Variants in CNTN6 observed in about 807,000 individuals in gnomAD.
The protein encoded by CNTN6 is contactin-6.
Under a neutral mutation model 122.8 loss-of-function variants are expected in CNTN6, and 137 were observed. The ratio of observed to expected loss-of-function variants is 1.12; its 90% CI spans 0.97 to 1.29. The LOEUF is 1.29. Among genes scored for constraint, CNTN6 ranks in the 50% most tolerant of loss-of-function variants. The pLI, the probability that CNTN6 is intolerant of heterozygous loss-of-function variation, is 0.00. For synonymous variants in CNTN6, 570 were observed against 426.0 expected, an observed-to-expected ratio of 1.34 and a Z score of -4.16; for missense variants, 1,634 against 1,223.4, an observed-to-expected ratio of 1.34 and a Z score of -5.01.
At position 1,206,639 on chromosome 3, in the gene CNTN6, T is replaced by G. The variant is rs2093961479; in HGVS notation, c.56-14048T>G. On this transcript the variant is annotated intron_variant, in intron 2 of 22. Coordinates refer to ENST00000446702, the MANE Select transcript of CNTN6 (RefSeq NM_001289080.2). ...TTCTCTAGACCCTTTTATGAGAAAC[T>G]CCTTAGAATTTTTTCTTTTTCAAAT... is the stretch of plus-strand genomic sequence containing the variant. Among the ~76,000 whole-genome samples the G allele has an allele frequency of 2.6e-5, 4 of 152,154 alleles. No homozygotes were observed. The South Asian group carries it at 8.3e-4, about 31-fold the overall frequency.
At chr3:1,137,064 T>TC (rs2092494488) in intron 1 of CNTN6, among the ~76,000 whole-genome samples, 1 of 152,188 alleles carries the variant, frequency 6.6e-6, no homozygotes, top group African/African-American at 2.4e-5. Flanking sequence ...CCCCATTCTG[T>TC]CTCTTCCTCC....
chr3:1,354,507 C>CT (rs1259102277), intron 12 of CNTN6, among the ~76,000 whole-genome samples: 1 of 151,426 alleles, frequency 6.6e-6, no homozygotes, highest in Non-Finnish European at 1.5e-5. Flanking sequence ...TTCTGTACCA[C>CT]TTTTTATCTT....
intron 1 of CNTN6, among the ~76,000 whole-genome samples, chr3:1,144,694 A>G (rs1480320674): frequency 6.6e-6 from 1 of 152,096 alleles, no homozygotes; most frequent in East Asian, 1.9e-4. Flanking sequence ...CTAGGCAAAA[A>G]TTTGTCTTCT....
chr3:1,124,980 C>T (rs1405753821), intron 1 of CNTN6, among the ~76,000 whole-genome samples: 2 of 151,884 alleles, frequency 1.3e-5, no homozygotes, highest in Non-Finnish European at 2.9e-5. Context: ...AGATCAGTGC[C>T]AGTCACAAAG....
At chr3:1,309,445 A>G (rs1698889890) in intron 7 of CNTN6, among the ~76,000 whole-genome samples, 1 of 152,194 alleles carries the variant, frequency 6.6e-6, no homozygotes, top group South Asian at 2.1e-4. Context: ...CTGTATTTGT[A>G]TAGGTCTATT....
At chr3:1,204,081 C>T (rs905779800) in intron 2 of CNTN6, among the ~76,000 whole-genome samples, 1 of 152,174 alleles carries the variant, frequency 6.6e-6, no homozygotes, top group Non-Finnish European at 1.5e-5. Flanking sequence ...CCTAATGACA[C>T]ATTTCGCAGA....
At chr3:1,267,320 C>G (rs541719746) in intron 4 of CNTN6, among the ~76,000 whole-genome samples, 7 of 152,002 alleles carry the variant, frequency 4.6e-5, no homozygotes, top group Non-Finnish European at 1.0e-4. Flanking sequence ...GTAGTAGTCC[C>G]TATTCAATAA....
intron 5 of CNTN6, among the ~76,000 whole-genome samples, chr3:1,294,372 A>G (rs1167356957): frequency 1.3e-5 from 2 of 152,174 alleles, no homozygotes; most frequent in Admixed American, 1.3e-4. Context: ...TTGTTTTATG[A>G]TGACATACAA....
At chr3:1,134,619 G>A (rs2092425242) in intron 1 of CNTN6, among the ~76,000 whole-genome samples, 1 of 152,056 alleles carries the variant, frequency 6.6e-6, no homozygotes, top group African/African-American at 2.4e-5. Context: ...AGAATATGAA[G>A]AATTTATCCT....
chr3:1,334,376 AT>A (rs11332039), intron 11 of CNTN6, among the ~76,000 whole-genome samples: 43,003 of 146,448 alleles, frequency 0.29, 6,220 homozygotes, highest in Middle Eastern at 0.33. Flanking sequence ...TCCTCTTTTT[AT>A]TTTTTTTTTT....
At chr3:1,325,775 T>G (rs774675977) in intron 8 of CNTN6, 40 bp from the exon 9 acceptor site, 3 of 1,599,464 alleles carry the variant, frequency 1.9e-6, no homozygotes, top group Non-Finnish European at 2.6e-6. Flanking sequence ...CTTGGATAAC[T>G]GCCTTTTACC....
At chr3:1,360,852 T>A (rs1464218772) in intron 12 of CNTN6, among the ~76,000 whole-genome samples, 1 of 152,088 alleles carries the variant, frequency 6.6e-6, no homozygotes, top group Non-Finnish European at 1.5e-5. Context: ...TCTACTGTCT[T>A]CTTTCTCCAC....
At chr3:1,211,467 T>G (rs192251560) in intron 2 of CNTN6, among the ~76,000 whole-genome samples, 17 of 152,286 alleles carry the variant, frequency 1.1e-4, no homozygotes, top group African/African-American at 3.6e-4. Context: ...TTTCTATGGT[T>G]TATTTAAAGC....
At chr3:1,269,701 T>C (rs1485227554) in intron 4 of CNTN6, among the ~76,000 whole-genome samples, 1 of 152,190 alleles carries the variant, frequency 6.6e-6, no homozygotes, top group African/African-American at 2.4e-5. Context: ...ACTTGTTTAA[T>C]TTATGAAATG....
Position 1,403,600 on chromosome 3 carries a change from GA to G in CNTN6, c.*184del. On this transcript the variant is annotated 3_prime_UTR_variant, in exon 23 of 23. Transcript: ENST00000446702. ...TAATAAAACAATTTTAAACACTTTT[GA>G]ATTTTAAAATCCGCACATGATTACA... 1 of 398,994 alleles carries G rather than the reference GA, an allele frequency of 2.5e-6. No individual in the cohort carries two copies. The highest frequency in any genetic ancestry group is 4.4e-6 in the Non-Finnish European group (1 of 227,304). The allele number at this position is 398,994 out of a possible 1,614,324, so 24.7% of individuals were successfully genotyped here.
chr3:1,293,577 C>T (rs1200251928), intron 5 of CNTN6, among the ~76,000 whole-genome samples: 2 of 152,066 alleles, frequency 1.3e-5, no homozygotes, highest in Non-Finnish European at 2.9e-5. Context: ...TGCTTCCGTG[C>T]CAGTTTTTAA....
At position 1,384,426 on chromosome 3, in the gene CNTN6, A is replaced by T. The variant is rs940762704; in HGVS notation, c.2517+1018A>T. On this transcript the variant is annotated intron_variant, in intron 19 of 22. Transcript: ENST00000446702. ...ATCATCTCAGAAAAGGCAGTTAAGT[A>T]ATGAAAAAAAATACCTAGATTGTCT... Among the ~76,000 whole-genome samples, 3 of 152,184 alleles carry T rather than the reference A, an allele frequency of 2.0e-5. No individual in the cohort carries two copies. In the East Asian group the frequency reaches 5.8e-4, roughly 29 times the overall value.
chr3:1,157,791 C>G (rs1333816915), intron 2 of CNTN6, among the ~76,000 whole-genome samples: 3 of 152,132 alleles, frequency 2.0e-5, no homozygotes, highest in Non-Finnish European at 4.4e-5. Context: ...TTAATGACCT[C>G]CAGTTCCATC....
intron 20 of CNTN6, among the ~76,000 whole-genome samples, chr3:1,389,364 A>G (rs1008610655): frequency 3.3e-5 from 5 of 152,114 alleles, no homozygotes; most frequent in African/African-American, 1.2e-4. Flanking sequence ...GCAAATGCTG[A>G]GAGATTTTGT....
Sources: allele counts gnomAD v4.1 joint callset (sites outside exome capture counted in the v4.1 genomes callset), GRCh38; gene constraint gnomAD v4.1.1; transcripts MANE v1.5; gene names NCBI Gene and HGNC (gene_info 2026-07-23, HGNC 2026-07-21).